Variants in ACACA observed in about 807,000 individuals in gnomAD.
ACACA encodes acetyl-CoA carboxylase alpha.
ACACA carries 103 observed loss-of-function variants against 296.1 expected under a neutral mutation model. That is an observed-to-expected ratio of 0.35 (90% confidence interval 0.30 to 0.41). The LOEUF (loss-of-function observed/expected upper bound fraction) is 0.41. Ranked by LOEUF, ACACA falls within the 10% of genes least tolerant of loss-of-function variation. The pLI is 1.00. For synonymous variants in ACACA, 953 were observed against 1,038.6 expected (o/e 0.92, Z 1.58); for missense variants, 1,554 against 2,989.7 (o/e 0.52, Z 11.20).
chr17:37,247,374 C>CT (rs59972801), intron 18 of ACACA, among the ~76,000 whole-genome samples: 10 of 145,664 alleles, frequency 6.9e-5, no homozygotes, highest in East Asian at 4.0e-4. Context: ...TTGTGAATTT[C>CT]TTTTTTTTTT....
intron 55 of ACACA, among the ~76,000 whole-genome samples, chr17:37,088,658 T>C (rs1159189600): frequency 1.3e-5 from 2 of 152,150 alleles, no homozygotes; most frequent in Non-Finnish European, 2.9e-5. Flanking sequence ...CCAGAGTTGT[T>C]CATCCGGTTT....
At chr17:37,356,851 T>G (rs2049165280) in intron 1 of ACACA, among the ~76,000 whole-genome samples, 1 of 152,184 alleles carries the variant, frequency 6.6e-6, no homozygotes, top group South Asian at 2.1e-4. Context: ...ATTAGGATAT[T>G]AGCCATCCAA....
At chr17:37,136,950 AAAAAAGC>A (rs1373848570) in intron 45 of ACACA, among the ~76,000 whole-genome samples, 1 of 152,008 alleles carries the variant, frequency 6.6e-6, no homozygotes, top group Non-Finnish European at 1.5e-5. Context: ...CTCAAAAAAA[AAAAAAGC>A]AAAAAACAAA....
intron 45 of ACACA, chr17:37,141,103 A>G (rs1225444738): frequency 1.8e-5 from 8 of 450,142 alleles, no homozygotes; most frequent in Non-Finnish European, 3.5e-5. Flanking sequence ...GGCAACAAAC[A>G]TCTTGAACCT....
At chr17:37,163,430 A>G (rs1220713249) in intron 41 of ACACA, among the ~76,000 whole-genome samples, 1 of 152,136 alleles carries the variant, frequency 6.6e-6, no homozygotes, top group African/African-American at 2.4e-5. Context: ...TTTATAAATT[A>G]TCCAGCCTCA....
At chr17:37,099,296 T>C (rs900083681) in intron 52 of ACACA, among the ~76,000 whole-genome samples, 2 of 152,338 alleles carry the variant, frequency 1.3e-5, no homozygotes, top group African/African-American at 4.8e-5. Flanking sequence ...ATTTTAAAAC[T>C]GTGATGAAGG....
intron 44 of ACACA, 63 bp downstream of exon 44, chr17:37,151,238 G>A: frequency 6.2e-7 from 1 of 1,603,850 alleles, no homozygotes; most frequent in African/African-American, 1.3e-5. Flanking sequence ...AGTGATAAGA[G>A]AAAAAAATAA....
At chr17:37,155,452 C>T (rs999703918) in intron 43 of ACACA, among the ~76,000 whole-genome samples, 3 of 151,960 alleles carry the variant, frequency 2.0e-5, no homozygotes, top group African/African-American at 7.3e-5. Flanking sequence ...TAATTGTTTA[C>T]ATGTTTCAGT....
intron 25 of ACACA, among the ~76,000 whole-genome samples, chr17:37,229,158 A>G (rs1455235265): frequency 1.3e-5 from 2 of 149,120 alleles, no homozygotes; most frequent in African/African-American, 2.5e-5. Context: ...AAAAAAAAAA[A>G]GCACACTAAT....
chr17:37,197,945 C>T (rs2078077683), intron 35 of ACACA, among the ~76,000 whole-genome samples: 1 of 152,212 alleles, frequency 6.6e-6, no homozygotes, highest in Admixed American at 6.5e-5. Flanking sequence ...TGATTTCCCA[C>T]TTGATGCCAC....
intron 1 of ACACA, among the ~76,000 whole-genome samples, chr17:37,348,188 GGAGAGA>G (rs1271249695): frequency 6.6e-6 from 1 of 151,864 alleles, no homozygotes; most frequent in Non-Finnish European, 1.5e-5. Flanking sequence ...ATGAACAACA[GGAGAGA>G]AAAAGAAGAT....
chr17:37,370,462 C>G (rs2147672179), intron 1 of ACACA, among the ~76,000 whole-genome samples: 1 of 128,482 alleles, frequency 7.8e-6, no homozygotes, highest in Admixed American at 8.7e-5. Flanking sequence ...GCCTGGGCAA[C>G]ACGGTGAAAA....
intron 3 of ACACA, among the ~76,000 whole-genome samples, chr17:37,308,135 T>C (rs955681468): frequency 2.6e-5 from 4 of 152,118 alleles, no homozygotes; most frequent in African/African-American, 9.7e-5. Context: ...GCGTATATGC[T>C]CTGAACACAA....
intron 29 of ACACA, among the ~76,000 whole-genome samples, chr17:37,219,927 C>T (rs1381156105): frequency 6.6e-6 from 1 of 151,188 alleles, no homozygotes; most frequent in East Asian, 1.9e-4. Flanking sequence ...TTTATTTTTC[C>T]TTTTTATTTT....
chr17:37,390,793 CAA>C (rs534003529), intron 1 of ACACA, among the ~76,000 whole-genome samples: 13 of 113,236 alleles, frequency 1.1e-4, no homozygotes, highest in South Asian at 1.1e-3. Context: ...ACCCTGTGTC[CAA>C]AAAAAAAAAA....
intron 29 of ACACA, chr17:37,221,427 A>G: frequency 2.3e-6 from 1 of 428,734 alleles, no homozygotes; most frequent in Non-Finnish European, 4.3e-6. Context: ...AAGTTCTAGC[A>G]AGTAAAATGC....
At position 37,087,319 on chromosome 17, in the gene ACACA, C is replaced by T. The variant is rs775240328; in HGVS notation, c.7149G>A (p.Thr2383=). 5.3e-5 allele frequency: 86 copies of T among 1,613,974 alleles called. No individual in the cohort carries two copies. Among genetic ancestry groups the T allele is most frequent in the Middle Eastern group, 3.3e-4 (2 of 6,070 alleles). ...RILSTMDSPS[T] is the part of the protein sequence containing the mutation. ...AGGGACAGGCAGGAAGCTCTTCCTACGTGGAAGGGGAATCCATTGTGGAGA... is the reference window on the plus strand; with the variant it reads ...AGGGACAGGCAGGAAGCTCTTCCTATGTGGAAGGGGAATCCATTGTGGAGA... Residue 2383 remains threonine, a synonymous_variant, in exon 56 of 56, where the codon ACG becomes ACA. Coordinates refer to ENST00000616317, the MANE Select transcript of ACACA (RefSeq NM_198834.3).
intron 1 of ACACA, chr17:37,389,287 GT>G: frequency 6.3e-7 from 1 of 1,598,832 alleles, no homozygotes; most frequent in Non-Finnish European, 8.5e-7. Flanking sequence ...AATGCCAGTG[GT>G]TGTGGAGATG....
chr17:37,253,670 T>C (rs1361493652), intron 14 of ACACA, among the ~76,000 whole-genome samples: 1 of 152,220 alleles, frequency 6.6e-6, no homozygotes, highest in African/African-American at 2.4e-5. Flanking sequence ...CAGCTTTTAC[T>C]TACTAAGTTT....
Sources: allele counts gnomAD v4.1 joint callset (sites outside exome capture counted in the v4.1 genomes callset), GRCh38; gene constraint gnomAD v4.1.1; transcripts MANE v1.5; gene names NCBI Gene and HGNC (gene_info 2026-07-23, HGNC 2026-07-21).